Variants in ZNF536 observed in about 807,000 individuals in gnomAD.
The protein encoded by ZNF536 is zinc finger protein 536.
A neutral mutation model predicts 84.5 loss-of-function variants in ZNF536; 13 were observed. The observed-to-expected ratio is 0.15, with a 90% confidence interval of 0.10 to 0.24. The LOEUF (loss-of-function observed/expected upper bound fraction) is 0.24, where lower values mean the gene tolerates loss of function less well. ZNF536 is among the 10% of genes least tolerant of loss of function. The pLI, the probability that ZNF536 is intolerant of heterozygous loss-of-function variation, is 1.00. For synonymous variants in ZNF536, 811 were observed against 742.5 expected, an observed-to-expected ratio of 1.09 and a Z score of -1.50; for missense variants, 1,536 against 1,747.5, an observed-to-expected ratio of 0.88 and a Z score of 2.16.
chr19:30,410,987 T>C (rs1260212512), intron 1 of ZNF536, among the ~76,000 whole-genome samples: 1 of 152,208 alleles, frequency 6.6e-6, no homozygotes, highest in Non-Finnish European at 1.5e-5. Context: ...GAGATCTATT[T>C]AATTCTCTTA....
intron 1 of ZNF536, among the ~76,000 whole-genome samples, chr19:30,566,143 T>C (rs767619122): frequency 2.0e-5 from 3 of 152,168 alleles, no homozygotes; most frequent in African/African-American, 7.2e-5. Context: ...AGAGGAGAAC[T>C]CAGTCAGCCA....
At chr19:30,389,613 T>C (rs1210868796) in intron 1 of ZNF536, among the ~76,000 whole-genome samples, 2 of 152,096 alleles carry the variant, frequency 1.3e-5, no homozygotes, top group East Asian at 1.9e-4. Context: ...CATGAGAAAG[T>C]TCCAGACTGG....
intron 1 of ZNF536, among the ~76,000 whole-genome samples, chr19:30,709,217 T>G (rs2052365016): frequency 6.6e-6 from 1 of 152,206 alleles, no homozygotes; most frequent in Non-Finnish European, 1.5e-5. Context: ...AATTACAGTC[T>G]TTCTAGGAAG....
chr19:30,587,112 A>G (rs913939685), intron 1 of ZNF536, among the ~76,000 whole-genome samples: 1 of 152,238 alleles, frequency 6.6e-6, no homozygotes, highest in African/African-American at 2.4e-5. Context: ...TTTTCCTTCT[A>G]GATCCTCAAC....
At chr19:30,327,799 G>A (rs955653173) in intron 2 of ZNF536, among the ~76,000 whole-genome samples, 12 of 152,128 alleles carry the variant, frequency 7.9e-5, no homozygotes, top group Admixed American at 2.6e-4. Context: ...TCACCTCTGC[G>A]GCCTGAGCTG....
chr19:30,366,908 G>C (rs924193706), intron 3 of ZNF536, among the ~76,000 whole-genome samples: 4 of 152,260 alleles, frequency 2.6e-5, no homozygotes, highest in Non-Finnish European at 5.9e-5. Context: ...GGCTGGCTGA[G>C]ACTGTGTGAT....
chr19:30,404,019 CTTTT>C (rs11336660), intron 1 of ZNF536, among the ~76,000 whole-genome samples: 83 of 123,368 alleles, frequency 6.7e-4, no homozygotes, highest in Non-Finnish European at 1.0e-3. Context: ...TTCCTTTCCT[CTTTT>C]TTTTTTTTTT....
chr19:30,408,521 ATCT>A (rs2050355341), intron 1 of ZNF536, among the ~76,000 whole-genome samples: 1 of 152,148 alleles, frequency 6.6e-6, no homozygotes, highest in Non-Finnish European at 1.5e-5. Context: ...CTGCCATTCA[ATCT>A]TCTTGACCTC....
At chr19:30,415,032 T>TTCC (rs1199756913) in intron 1 of ZNF536, among the ~76,000 whole-genome samples, 1 of 151,830 alleles carries the variant, frequency 6.6e-6, no homozygotes, top group South Asian at 2.1e-4. Flanking sequence ...TCTTCTTCTT[T>TTCC]TCCTCCTCCT....
Position 30,530,494 on chromosome 19 carries a change from G to A in ZNF536, c.2171-4353G>A, listed in dbSNP as rs1005356286. On this transcript the variant is annotated intron_variant, in intron 2 of 4. Coordinates refer to ENST00000355537, the MANE Select transcript of ZNF536 (RefSeq NM_014717.3). ...CCCAAGTAGCTGGGATTACAGGCACGCACCATCATGCCTGGCTAATTTTTG... is the reference window on the plus strand; with the variant it reads ...CCCAAGTAGCTGGGATTACAGGCACACACCATCATGCCTGGCTAATTTTTG... Among the ~76,000 whole-genome samples, 8 of 152,162 alleles carry A rather than the reference G, an allele frequency of 5.3e-5. No individual in the cohort carries two copies. The South Asian group carries it at 6.2e-4, about 12-fold the overall frequency.
intron 1 of ZNF536, among the ~76,000 whole-genome samples, chr19:30,685,979 C>T (rs1393688269): frequency 6.6e-6 from 1 of 152,136 alleles, no homozygotes; most frequent in African/African-American, 2.4e-5. Flanking sequence ...TGGGGAAGAC[C>T]CCAGTCTGTG....
rs532332605 is a variant in ZNF536, at chr19:30,696,908, C to G, written c.170-13849C>G. On this transcript the variant is annotated intron_variant, in intron 1 of 1. Transcript: ENST00000592773. ...AGCAAGACACAGTGCAGGTTGAGCT[C>G]CAGCTGCAGGACCATGTTCTGCCTC... Among the ~76,000 whole-genome samples, 3 of 152,278 alleles carry G rather than the reference C, an allele frequency of 2.0e-5. No individual in the cohort carries two copies. The South Asian group carries it at 6.2e-4, about 32-fold the overall frequency.
At chr19:30,248,937 A>T (rs2024450371) in intron 1 of ZNF536, among the ~76,000 whole-genome samples, 1 of 152,192 alleles carries the variant, frequency 6.6e-6, no homozygotes, top group Non-Finnish European at 1.5e-5. Flanking sequence ...TTCATATCAG[A>T]TACAAGAACT....
At chr19:30,518,225 G>A (rs774830326) in intron 2 of ZNF536, among the ~76,000 whole-genome samples, 41 of 152,184 alleles carry the variant, frequency 2.7e-4, no homozygotes, top group Non-Finnish European at 4.1e-4. Context: ...GCAGCAACCT[G>A]GCAGCCCTGG....
At chr19:30,261,297 C>CAAAAAA (rs66862950) in intron 1 of ZNF536, among the ~76,000 whole-genome samples, 19 of 23,530 alleles carry the variant, frequency 8.1e-4, no homozygotes, top group Non-Finnish European at 1.0e-3. Flanking sequence ...GACTCCGTCT[C>CAAAAAA]AAAAAAAAAA....
intron 1 of ZNF536, among the ~76,000 whole-genome samples, chr19:30,414,904 G>A (rs2050647063): frequency 6.6e-6 from 1 of 152,064 alleles, no homozygotes; most frequent in African/African-American, 2.4e-5. Context: ...ACTTCCCCCA[G>A]CCCTTTGAAA....
At position 30,419,366 on chromosome 19, in the gene ZNF536, A is replaced by G. The variant is rs889382365; in HGVS notation, c.-2-24195A>G. On this transcript the variant is annotated intron_variant, in intron 1 of 4. Transcript: ENST00000355537. ...GATAGCATTCTAGGTTTGTTCTAGG[A>G]GTGGAAAACTGAGTCATAGTTTATA... 3.6e-4 allele frequency among the ~76,000 whole-genome samples: 55 copies of G among 152,210 alleles called. 1 individual carries two copies. The highest frequency in any genetic ancestry group is 1.3e-4 in the Admixed American group (2 of 15,284).
At chr19:30,679,588 G>A (rs1479911761) in intron 1 of ZNF536, among the ~76,000 whole-genome samples, 1 of 152,124 alleles carries the variant, frequency 6.6e-6, no homozygotes, top group Non-Finnish European at 1.5e-5. Flanking sequence ...TTTACATCCA[G>A]GAGGCAGAGC....
chr19:30,634,242 G>A (rs2048986921), intron 1 of ZNF536, among the ~76,000 whole-genome samples: 1 of 152,126 alleles, frequency 6.6e-6, no homozygotes, highest in Non-Finnish European at 1.5e-5. Flanking sequence ...TAAGTTAGCA[G>A]GATAAGTTTG....
Sources: gnomAD v4.1 joint callset for allele counts (sites outside exome capture counted in the v4.1 genomes callset) on GRCh38, gnomAD v4.1.1 for gene constraint, MANE v1.5 for transcripts, NCBI Gene and HGNC (gene_info 2026-07-23, HGNC 2026-07-21) for gene names.